ARHGAP27: variants seen among roughly 807,000 people sequenced by gnomAD.
The protein encoded by ARHGAP27 is Rho GTPase activating protein 27, also known as rho GTPase-activating protein 27.
Under a neutral mutation model 102.0 loss-of-function variants are expected in ARHGAP27, and 53 were observed. The ratio of observed to expected loss-of-function variants is 0.52; its 90% CI spans 0.42 to 0.65. ARHGAP27 has a LOEUF of 0.65. Among genes scored for constraint, ARHGAP27 ranks in the 30% least tolerant of loss-of-function variants. The pLI is 0.00. For synonymous variants in ARHGAP27, 525 were observed against 542.8 expected, an observed-to-expected ratio of 0.97 and a Z score of 0.46; for missense variants, 1,117 against 1,256.2, an observed-to-expected ratio of 0.89 and a Z score of 1.68.
At position 45,403,100 on chromosome 17, in the gene ARHGAP27, C is replaced by G. The variant is rs1013821189; in HGVS notation, c.1639-282G>C. Among the ~76,000 whole-genome samples, 15 of 152,362 alleles carry G rather than the reference C, an allele frequency of 9.8e-5. 1 individual carries two copies. The Middle Eastern group carries it at 0.01, about 104-fold the overall frequency. ...GCCCACCCCCAGCCTCCCTGCCCTC[C>G]AGGCTGGAGCTGGCCACCCTCAAGA... On this transcript the variant is annotated intron_variant, in intron 11 of 19. Transcript: ENST00000685559.
At chr17:45,422,380 G>A (rs2049122386) in intron 4 of ARHGAP27, among the ~76,000 whole-genome samples, 1 of 151,986 alleles carries the variant, frequency 6.6e-6, no homozygotes, top group Non-Finnish European at 1.5e-5. Context: ...TCACACCACT[G>A]CACTCCAACC....
chr17:45,399,541 G>A (rs553130223), intron 12 of ARHGAP27, among the ~76,000 whole-genome samples: 4 of 139,078 alleles, frequency 2.9e-5, no homozygotes, highest in East Asian at 2.3e-4. Flanking sequence ...GCAGTGAGCC[G>A]AGATCGCACC....
chr17:45,429,382 G>T (rs1317242615), intron 4 of ARHGAP27: 2 of 1,346,154 alleles, frequency 1.5e-6, no homozygotes, highest in African/African-American at 3.1e-5. Context: ...CCACCAATTG[G>T]ATTACGAAAA....
intron 4 of ARHGAP27, among the ~76,000 whole-genome samples, chr17:45,417,156 CAA>C (rs1190599116): frequency 2.3e-5 from 3 of 133,016 alleles, no homozygotes; most frequent in Non-Finnish European, 1.6e-5. Context: ...AACTCTGTCT[CAA>C]AAAAAAAAAC....
rs138512640 is a variant in ARHGAP27 at position 45,418,089 on chromosome 17, T to TC, written c.657+11533_657+11534insG. ...TTTTCTTCATGTTGGACATTTTCTT[T>TC]TTTTTTCAGTTTTAAATTTGTTTAC... On this transcript the variant is annotated intron_variant, in intron 4 of 19. Transcript: ENST00000685559. Among the ~76,000 whole-genome samples, 758 of 150,654 alleles carry TC rather than the reference T, an allele frequency of 5.0e-3. 9 individuals carry two copies. The highest frequency in any genetic ancestry group is 0.017 in the African/African-American group (705 of 41,162).
Position 45,402,717 on chromosome 17 carries a change from C to T in ARHGAP27, c.1740G>A (p.Leu580=), listed in dbSNP as rs553288636. 3.1e-6 allele frequency: 5 copies of T among 1,610,944 alleles called. No homozygotes were observed. In the African/African-American group the frequency reaches 4.0e-5, roughly 13 times the overall value. ...PKDKSSRKNV[L]ELRSRDGSEY... The stretch of plus-strand genomic sequence containing the variant: ...TCTCCCCAACCCCGCCACTCACCTC[C>T]AGCACATTCTTCCTACTGGATTTGT... The change falls in exon 12 of 20, where the codon CTG becomes CTA. Residue 580 remains leucine, a synonymous_variant. Coordinates refer to ENST00000685559, the MANE Select transcript of ARHGAP27 (RefSeq NM_001282290.2).
Position 45,395,974 on chromosome 17 carries a change from G to C in ARHGAP27, c.2386+9C>G. ...TACCCCATCCGCCCCACCTGCCCCA[G>C]GTGCTCACTGATGGCCGCAATGAAC... is the stretch of plus-strand genomic sequence containing the variant. On this transcript the variant is annotated intron_variant, in intron 18 of 19. Coordinates refer to ENST00000685559, the MANE Select transcript of ARHGAP27 (RefSeq NM_001282290.2). 1 of 1,606,054 alleles carries C rather than the reference G, an allele frequency of 6.2e-7. No homozygotes were observed. Among genetic ancestry groups the C allele is most frequent in the Non-Finnish European group, 8.5e-7 (1 of 1,175,438 alleles).
intron 5 of ARHGAP27, 112 bp downstream of exon 5, chr17:45,405,564 C>A: frequency 7.3e-7 from 1 of 1,373,676 alleles, no homozygotes; most frequent in Non-Finnish European, 9.7e-7. Context: ...CAGAGGTAGC[C>A]CCGCCCACCC....
chr17:45,425,582 G>T, intron 4 of ARHGAP27: 1 of 985,652 alleles, frequency 1.0e-6, no homozygotes, highest in Non-Finnish European at 1.2e-6. Context: ...CAGTGGAGGA[G>T]AAGGAATGAG....
chr17:45,404,954 C>G lies in ARHGAP27; in HGVS notation c.1218G>C (p.Met406Ile). Residue 406 changes from methionine (M) to isoleucine (I), a missense_variant, in exon 6 of 20, where the codon ATG becomes ATC. Physicochemically the swap from Met to Ile is conservative, Grantham distance 10. Around this residue, in one of 3 missense-constraint regions of ARHGAP27, gnomAD observed 610 missense variants for 716.4 expected, o/e 0.85. Coordinates refer to ENST00000685559, the MANE Select transcript of ARHGAP27 (RefSeq NM_001282290.2). ...CCTGAGTGAAGTGGTTGGTGTAGAG[C>G]ATCTGCTTGTCCTGGCTGACATGAC... is the stretch of plus-strand genomic sequence containing the variant. ...WSCHVSQDKQ[M>I]LYTNHFTQEQ... is the part of the protein sequence containing the mutation. 6.2e-7 allele frequency: 1 copy of G among 1,614,106 alleles called. No homozygotes were observed. Among genetic ancestry groups the G allele is most frequent in the Non-Finnish European group, 8.5e-7 (1 of 1,180,012 alleles).
intron 4 of ARHGAP27, chr17:45,410,153 T>A: frequency 6.7e-7 from 1 of 1,484,170 alleles, no homozygotes; most frequent in Non-Finnish European, 9.0e-7. Context: ...CTCCCTGCTC[T>A]AAGCCCCAGC....
intron 9 of ARHGAP27, 48 bp downstream of exon 9, chr17:45,404,221 C>T: frequency 6.2e-7 from 1 of 1,612,722 alleles, no homozygotes; most frequent in Non-Finnish European, 8.5e-7. Context: ...CCACTGAACC[C>T]TCCTCGCCAG....
chr17:45,395,636 G>A lies in ARHGAP27; in HGVS notation c.2493-3C>T. 6.3e-7 allele frequency: 1 copy of A among 1,599,538 alleles called. No homozygotes were observed. Among genetic ancestry groups the A allele is most frequent in the Non-Finnish European group, 8.5e-7 (1 of 1,173,604 alleles). On this transcript the variant is annotated splice_region_variant and splice_polypyrimidine_tract_variant and intron_variant, in intron 19 of 19. Coordinates refer to ENST00000685559, the MANE Select transcript of ARHGAP27 (RefSeq NM_001282290.2). ...TCTGCTCGCCGTGCTCGATCACCCT[G>A]TGGCAGGGGTGGGTGGGTTCAGGGC...
chr17:45,428,487 GT>G lies in ARHGAP27; in HGVS notation c.657+1135del, dbSNP rs557162671. 2.0e-3 allele frequency among the ~76,000 whole-genome samples: 311 copies of G among 152,350 alleles called. 1 individual carries two copies. The highest frequency in any genetic ancestry group is 7.1e-3 in the African/African-American group (296 of 41,578). ...CTGGCAGGTGACCCAGCAGAATCCA[GT>G]TCCCCTTTCCCTAGTCTCAAAACCT... On this transcript the variant is annotated intron_variant, in intron 4 of 19. Transcript: ENST00000685559.
chr17:45,421,046 A>C (rs1023619465), intron 4 of ARHGAP27, among the ~76,000 whole-genome samples: 2 of 146,640 alleles, frequency 1.4e-5, no homozygotes, highest in African/African-American at 2.5e-5. Flanking sequence ...TCAAATTTGC[A>C]GCCTGGAAGG....
At chr17:45,412,852 G>A (rs1034905108) in intron 4 of ARHGAP27, among the ~76,000 whole-genome samples, 4 of 149,824 alleles carry the variant, frequency 2.7e-5, no homozygotes, top group African/African-American at 9.8e-5. Context: ...AGCCCTCTGA[G>A]ATTCTGATGG....
chr17:45,429,767 G>A lies in ARHGAP27; in HGVS notation c.513C>T (p.Leu171=). Residue 171 remains leucine (L), a synonymous_variant, in exon 4 of 20, where the codon CTC becomes CTT. Coordinates refer to ENST00000685559, the MANE Select transcript of ARHGAP27 (RefSeq NM_001282290.2). ...CCTTGAAGCTGCCGCTGCTTCCTAG[G>A]AGGCCGGCGGGAGGCGAGACGGCGG... ...ACAAVSPPAG[L]LGSSGSFKAC... 1 of 1,529,838 alleles carries A rather than the reference G, an allele frequency of 6.5e-7. No individual in the cohort carries two copies. The highest frequency in any genetic ancestry group is 8.8e-7 in the Non-Finnish European group (1 of 1,140,604). The allele number at this position is 1,529,838 out of a possible 1,614,324, so 94.8% of individuals were successfully genotyped here.
At chr17:45,405,211 C>T (rs1296874862) in intron 5 of ARHGAP27, 105 bp from the exon 6 acceptor site, 13 of 1,288,226 alleles carry the variant, frequency 1.0e-5, no homozygotes, top group Non-Finnish European at 1.4e-5. Flanking sequence ...GTCCCTGAGG[C>T]TGTGGGAGCA....
intron 3 of ARHGAP27, among the ~76,000 whole-genome samples, chr17:45,431,143 A>C (rs1346616961): frequency 6.6e-6 from 1 of 151,544 alleles, no homozygotes; most frequent in East Asian, 1.9e-4. Context: ...TGGAGAATGC[A>C]CTCTGAGACA....
Sources: gnomAD v4.1 joint callset for allele counts (sites outside exome capture counted in the v4.1 genomes callset) on GRCh38, gnomAD v4.1.1 for gene constraint, gnomAD v4.1.1 regional missense constraint, MANE v1.5 for transcripts, NCBI Gene and HGNC (gene_info 2026-07-23, HGNC 2026-07-21) for gene names.